MAMDC2: variants seen among roughly 807,000 people sequenced by gnomAD.
MAMDC2 encodes MAM domain-containing protein 2.
A neutral mutation model predicts 89.8 loss-of-function variants in MAMDC2; 57 were observed. The observed-to-expected ratio is 0.63, with a 90% CI of 0.51 to 0.79. The LOEUF is 0.79. Among genes scored for constraint, MAMDC2 ranks in the 30% least tolerant of loss-of-function variants. The pLI is 0.00. For missense variants in MAMDC2, 800 were observed against 820.6 expected (o/e 0.97, Z 0.31); for synonymous variants, 313 against 293.4 (o/e 1.07, Z -0.68).
At chr9:70,139,831 T>C (rs1318129872) in intron 7 of MAMDC2, among the ~76,000 whole-genome samples, 1 of 152,196 alleles carries the variant, frequency 6.6e-6, no homozygotes, top group African/African-American at 2.4e-5. Context: ...TGTGAGATGG[T>C]ATCTCATTGT....
intron 11 of MAMDC2, chr9:70,217,645 C>T: frequency 2.5e-6 from 4 of 1,609,216 alleles, no homozygotes; most frequent in Non-Finnish European, 3.4e-6. Flanking sequence ...AGTTTCAGCT[C>T]CCCAAGTTGG....
intron 11 of MAMDC2, among the ~76,000 whole-genome samples, chr9:70,197,972 T>C (rs911757803): frequency 3.3e-5 from 5 of 152,020 alleles, no homozygotes; most frequent in African/African-American, 4.8e-5. Context: ...AGCACAAGAA[T>C]AGTGAGTACA....
chr9:70,080,207 CTAA>C (rs1827621793), intron 2 of MAMDC2, among the ~76,000 whole-genome samples: 1 of 152,144 alleles, frequency 6.6e-6, no homozygotes, highest in African/African-American at 2.4e-5. Context: ...CTCGAGGTAG[CTAA>C]TATTATCAAA....
intron 2 of MAMDC2, chr9:70,089,062 A>T (rs1318349296): frequency 1.3e-5 from 2 of 152,134 alleles, no homozygotes; most frequent in Non-Finnish European, 2.9e-5. Context: ...TAAGGCTTGG[A>T]GGAGGTTGAT....
chr9:70,065,653 A>G (rs934017880), intron 2 of MAMDC2, among the ~76,000 whole-genome samples: 23 of 150,014 alleles, frequency 1.5e-4, no homozygotes, highest in Admixed American at 1.5e-3. Context: ...TAAAATTATG[A>G]TGTTGCATTT....
chr9:70,124,011 C>A (rs2030407960), intron 5 of MAMDC2, among the ~76,000 whole-genome samples: 1 of 152,202 alleles, frequency 6.6e-6, no homozygotes, highest in African/African-American at 2.4e-5. Flanking sequence ...ACACAGGAAG[C>A]ATCCCTTAAA....
At chr9:70,212,061 G>T (rs2033364593) in intron 11 of MAMDC2, among the ~76,000 whole-genome samples, 1 of 152,246 alleles carries the variant, frequency 6.6e-6, no homozygotes, top group Non-Finnish European at 1.5e-5. Context: ...TCCCAGTTAG[G>T]CTACTTGGGG....
At position 70,113,148 on chromosome 9, in the gene MAMDC2, A is replaced by T; in HGVS notation, c.643+16A>T. On this transcript the variant is annotated intron_variant, in intron 5 of 13. Coordinates refer to ENST00000377182, the MANE Select transcript of MAMDC2 (RefSeq NM_153267.5). ...AGTGAACTGGGTGAGCTGGGATCAA[A>T]TAGAGTCCTTTTCCCAGGATAAATT... 6.2e-7 allele frequency: 1 copy of T among 1,613,474 alleles called. No individual in the cohort carries two copies. Among genetic ancestry groups the T allele is most frequent in the Non-Finnish European group, 8.5e-7 (1 of 1,179,810 alleles).
intron 9 of MAMDC2, among the ~76,000 whole-genome samples, chr9:70,164,747 CA>C (rs1276863473): frequency 6.6e-6 from 1 of 151,774 alleles, no homozygotes; most frequent in Non-Finnish European, 1.5e-5. Flanking sequence ...CTCCTGGGTT[CA>C]AGAGAGCTTC....
intron 2 of MAMDC2, among the ~76,000 whole-genome samples, chr9:70,061,172 C>A (rs148931827): frequency 6.6e-6 from 1 of 152,202 alleles, no homozygotes; most frequent in Non-Finnish European, 1.5e-5. Context: ...CCACAGCTAC[C>A]AATCACTGCC....
chr9:70,054,605 T>C (rs994827784), intron 2 of MAMDC2, among the ~76,000 whole-genome samples: 4 of 152,040 alleles, frequency 2.6e-5, no homozygotes, highest in African/African-American at 9.7e-5. Context: ...TGTTTTGTTT[T>C]AGGAAGGGGG....
chr9:70,050,468 G>A (rs1227841190), intron 2 of MAMDC2, among the ~76,000 whole-genome samples: 2 of 152,152 alleles, frequency 1.3e-5, no homozygotes, highest in African/African-American at 4.8e-5. Flanking sequence ...CTTTCAAGCT[G>A]TGTGGGCTTG....
At position 70,126,293 on chromosome 9, in the gene MAMDC2, G is replaced by A. The variant is rs748587421; in HGVS notation, c.778G>A (p.Val260Ile). The A allele has an allele frequency of 6.2e-6, 10 of 1,614,056 alleles. No individual in the cohort carries two copies. In the Admixed American group the frequency reaches 1.0e-4, roughly 16 times the overall value. The change falls in exon 6 of 14, where the codon GTC becomes ATC. Residue 260 changes from valine (V) to isoleucine (I), a missense_variant. By Grantham distance (29) the Val-to-Ile change is conservative (BLOSUM62 3). Coordinates refer to ENST00000377182, the MANE Select transcript of MAMDC2 (RefSeq NM_153267.5). ...CCAGATCCAGCAGGGGAATGACAATGTCTTTTCCCTTTACACTCGGGATGT... is the reference window on the plus strand; with the variant it reads ...CCAGATCCAGCAGGGGAATGACAATATCTTTTCCCTTTACACTCGGGATGT... ...YYQIQQGNDN[V>I]FSLYTRDVAG...
At chr9:70,060,189 C>G (rs1827115422) in intron 2 of MAMDC2, among the ~76,000 whole-genome samples, 2 of 152,176 alleles carry the variant, frequency 1.3e-5, no homozygotes, top group Admixed American at 6.5e-5. Flanking sequence ...AAACTCGAAG[C>G]AAAGAATCCC....
chr9:70,071,413 G>A (rs574017069), intron 2 of MAMDC2, among the ~76,000 whole-genome samples: 1 of 152,222 alleles, frequency 6.6e-6, no homozygotes, highest in South Asian at 2.1e-4. Flanking sequence ...ATAAGTCTAG[G>A]GTTTTGGTGA....
At chr9:70,199,043 A>AT (rs1051512250) in intron 11 of MAMDC2, among the ~76,000 whole-genome samples, 1,156 of 85,874 alleles carry the variant, frequency 0.013, 20 homozygotes, top group African/African-American at 0.045. Context: ...TCCATAGCTT[A>AT]TTTTTTTTTT....
chr9:70,111,755 GTCAACC>G (rs1828516402), intron 4 of MAMDC2, among the ~76,000 whole-genome samples: 1 of 152,208 alleles, frequency 6.6e-6, no homozygotes, highest in Admixed American at 6.5e-5. Flanking sequence ...AGAGGGTACA[GTCAACC>G]TGAGTAATTT....
chr9:70,092,240 A>G (rs1827918333), intron 2 of MAMDC2: 1 of 152,198 alleles, frequency 6.6e-6, no homozygotes, highest in Non-Finnish European at 1.5e-5. Flanking sequence ...TGGCTTGACT[A>G]TTAGAATCAC....
chr9:70,225,429 A>G (rs1007254626), intron 12 of MAMDC2, among the ~76,000 whole-genome samples: 12 of 152,150 alleles, frequency 7.9e-5, no homozygotes, highest in African/African-American at 1.2e-4. Flanking sequence ...TGCTGGGAGA[A>G]GAGTGTTCCA....
Sources: gnomAD v4.1 joint callset for allele counts (sites outside exome capture counted in the v4.1 genomes callset) on GRCh38, gnomAD v4.1.1 for gene constraint, MANE v1.5 for transcripts, NCBI Gene and HGNC (gene_info 2026-07-23, HGNC 2026-07-21) for gene names.